TBC1D13: variants seen among roughly 807,000 people sequenced by gnomAD.
TBC1D13 encodes the protein TBC1 domain family member 13, also known as epididymis secretory sperm binding protein.
Under a neutral mutation model 53.6 loss-of-function variants are expected in TBC1D13, and 40 were observed. The ratio of observed to expected loss-of-function variants is 0.75; its 90% CI spans 0.58 to 0.97. The LOEUF is 0.97. Among genes scored for constraint, TBC1D13 ranks in the 50% least tolerant of loss-of-function variants. The pLI is 0.00. For missense variants in TBC1D13, 377 were observed against 499.4 expected (o/e 0.75, Z 2.34); for synonymous variants, 182 against 197.7 (o/e 0.92, Z 0.67).
intron 1 of TBC1D13, 47 bp from the exon 2 acceptor site, chr9:128,788,287 G>A (rs1829464924): frequency 6.4e-7 from 1 of 1,571,112 alleles, no homozygotes; most frequent in African/African-American, 1.4e-5. Context: ...GGGTCTCACT[G>A]AGCCGATATC....
At chr9:128,798,094 A>C (rs2132541929) in intron 7 of TBC1D13, among the ~76,000 whole-genome samples, 1 of 152,086 alleles carries the variant, frequency 6.6e-6, no homozygotes, top group East Asian at 1.9e-4. Flanking sequence ...CTCTACTAAA[A>C]ATACAAAAAT....
At chr9:128,804,254 C>T in intron 9 of TBC1D13, 135 bp downstream of exon 9, 1 of 1,049,172 alleles carries the variant, frequency 9.5e-7, no homozygotes. Flanking sequence ...GGGACGCTGA[C>T]CCATGTGCTG....
intron 1 of TBC1D13, 61 bp downstream of exon 1, chr9:128,787,437 C>G (rs1455338840): frequency 2.4e-6 from 3 of 1,244,894 alleles, no homozygotes; most frequent in Non-Finnish European, 2.0e-6. Context: ...CCCTTCTGCC[C>G]CTCAGAAGGG....
At chr9:128,792,785 C>G (rs942812975) in intron 6 of TBC1D13, among the ~76,000 whole-genome samples, 33 of 152,150 alleles carry the variant, frequency 2.2e-4, no homozygotes, top group African/African-American at 7.0e-4. Context: ...CCTGGCTGTT[C>G]TTATCTGAGC....
At chr9:128,804,810 C>T (rs1414936881) in intron 9 of TBC1D13, among the ~76,000 whole-genome samples, 1 of 142,918 alleles carries the variant, frequency 7.0e-6, no homozygotes, top group Admixed American at 7.1e-5. Flanking sequence ...CTCACTGCAA[C>T]CTCCGCCTCC....
intron 5 of TBC1D13, 38 bp from the exon 6 acceptor site, chr9:128,792,454 C>G: frequency 1.2e-6 from 2 of 1,603,388 alleles, no homozygotes; most frequent in Middle Eastern, 1.7e-4. Context: ...CGGGGCCTAG[C>G]TGGGCCTTGG....
chr9:128,797,017 C>T (rs750377474), intron 6 of TBC1D13, 38 bp from the exon 7 acceptor site: 6 of 1,609,446 alleles, frequency 3.7e-6, no homozygotes, highest in Non-Finnish European at 5.1e-6. Context: ...AAACTTCCAC[C>T]TTGAGTAACA....
rs770394116 is a variant in TBC1D13 at position 128,787,368 on chromosome 9, C to T, written c.15C>T (p.His5=). 1 of 1,260,024 alleles carries T rather than the reference C, an allele frequency of 7.9e-7. No individual in the cohort carries two copies. The allele number at this position is 1,260,024 out of a possible 1,614,324, so 78.1% of individuals were successfully genotyped here. The change falls in exon 1 of 12, where the codon CAC becomes CAT. Residue 5 remains histidine (H), a synonymous_variant. Coordinates refer to ENST00000372648, the MANE Select transcript of TBC1D13 (RefSeq NM_018201.5). Reference sequence around the variant, plus strand: ...AAGTCAACACCATGTCAAGTCTGCACAAGAGCCGGTAAGGGGCCATGGGGC... The same window carrying T: ...AAGTCAACACCATGTCAAGTCTGCATAAGAGCCGGTAAGGGGCCATGGGGC... The part of the protein sequence containing the change: MSSL[H]KSRIADFQDV...
rs1459252604 is a variant in TBC1D13 at position 128,808,232 on chromosome 9, G to A, written c.*353G>A. On this transcript the variant is annotated 3_prime_UTR_variant, in exon 12 of 12. Transcript: ENST00000372648. ...CAGTTCCTGCTTCTGGTCTTCTCCT[G>A]GGCTCCACTCAGGGGAGGTGCTTGG... 1.2e-5 allele frequency: 4 copies of A among 320,588 alleles called. No homozygotes were observed. Among genetic ancestry groups the A allele is most frequent in the Non-Finnish European group, 1.8e-5 (3 of 163,586 alleles). The allele number at this position is 320,588 out of a possible 1,614,324, so 19.9% of individuals were successfully genotyped here. A position where few individuals can be genotyped will look rare whatever the true frequency, so the allele number is the denominator to read the frequency against.
chr9:128,790,660 G>C, intron 2 of TBC1D13, 75 bp from the exon 3 acceptor site: 1 of 1,421,218 alleles, frequency 7.0e-7, no homozygotes, highest in Non-Finnish European at 9.4e-7. Context: ...CTCCCCGCCA[G>C]TTGGCTCCAC....
At chr9:128,806,607 C>T (rs1479743849) in intron 11 of TBC1D13, among the ~76,000 whole-genome samples, 1 of 152,122 alleles carries the variant, frequency 6.6e-6, no homozygotes, top group East Asian at 1.9e-4. Flanking sequence ...TTGCTGGTGG[C>T]CATGCTCAGG....
chr9:128,806,517 A>G (rs1829837442), intron 11 of TBC1D13, among the ~76,000 whole-genome samples: 1 of 152,200 alleles, frequency 6.6e-6, no homozygotes, highest in Admixed American at 6.5e-5. Context: ...GCCTTGAGCA[A>G]GTGACTTGGC....
intron 2 of TBC1D13, among the ~76,000 whole-genome samples, chr9:128,789,167 T>G (rs938768504): frequency 2.6e-5 from 4 of 151,562 alleles, no homozygotes; most frequent in African/African-American, 7.3e-5. Flanking sequence ...ACTAAAAATA[T>G]AAAAAAGTAG....
chr9:128,805,922 G>A lies in TBC1D13; in HGVS notation c.982G>A (p.Glu328Lys), dbSNP rs769715521. Residue 328 changes from glutamate (E) to lysine (K), a missense_variant, in exon 10 of 12, where the codon GAG (glutamate) becomes AAG (lysine). Coordinates refer to ENST00000372648, the MANE Select transcript of TBC1D13 (RefSeq NM_018201.5). ...CTGGCTGACACTGCTGCTGTCCCAG[G>A]AGTTCTTGCTGCCTGACGTCATCCG... Reference protein sequence around the residue: ...FRWLTLLLSQEFLLPDVIRIW... With the variant: ...FRWLTLLLSQKFLLPDVIRIW... 1 of 1,614,144 alleles carries A rather than the reference G, an allele frequency of 6.2e-7. No homozygotes were observed. Among genetic ancestry groups the A allele is most frequent in the Non-Finnish European group, 8.5e-7 (1 of 1,180,030 alleles).
At chr9:128,795,661 C>T (rs1463373573) in intron 6 of TBC1D13, among the ~76,000 whole-genome samples, 1 of 152,010 alleles carries the variant, frequency 6.6e-6, no homozygotes, top group South Asian at 2.1e-4. Flanking sequence ...GAGGTTTCAC[C>T]GTGTTAGCCA....
In TBC1D13 at chr9:128,807,820, C is replaced by T. The variant is rs183467784; in HGVS notation, c.1144C>T (p.Pro382Ser). Reference sequence around the variant, plus strand: ...GGCCTTTTCCTGTGCCCAGGACTACCCCATCACAGATGTCTGCCAGATCCT... The same window carrying T: ...GGCCTTTTCCTGTGCCCAGGACTACTCCATCACAGATGTCTGCCAGATCCT... ...TVNMRLLQDYPITDVCQILQK... is the reference protein window; with the variant it reads ...TVNMRLLQDYSITDVCQILQK... Residue 382 changes from proline (P) to serine (S), a missense_variant, in exon 12 of 12, where the codon CCC (proline) becomes TCC (serine). By Grantham distance (74) the Pro-to-Ser change is moderately conservative. Transcript: ENST00000372648. 3 of 1,614,144 alleles carry T rather than the reference C, an allele frequency of 1.9e-6. No individual in the cohort carries two copies. Among genetic ancestry groups the T allele is most frequent in the Admixed American group, 3.3e-5 (2 of 60,018 alleles).
rs754999110 is a variant in TBC1D13 at position 128,806,262 on chromosome 9, G to T, written c.1088G>T (p.Arg363Leu). 13 of 1,614,150 alleles carry T rather than the reference G, an allele frequency of 8.1e-6. No homozygotes were observed. The highest frequency in any genetic ancestry group is 1.1e-5 in the Non-Finnish European group (13 of 1,180,040). ...GCTGCTGCTTTTCATAGGCTGATCCGGGAGCAGTTGCTGGAAGGGGACTTC... is the reference window on the plus strand; with the variant it reads ...GCTGCTGCTTTTCATAGGCTGATCCTGGAGCAGTTGCTGGAAGGGGACTTC... ...LVCCAMLMLI[R>L]EQLLEGDFTV... The change falls in exon 11 of 12, where the codon CGG (arginine) becomes CTG (leucine). Residue 363 changes from arginine (R) to leucine (L), a missense_variant. By Grantham distance (102) the Arg-to-Leu change is moderately radical. Coordinates refer to ENST00000372648, the MANE Select transcript of TBC1D13 (RefSeq NM_018201.5).
chr9:128,794,626 C>T (rs1329425418), intron 6 of TBC1D13, among the ~76,000 whole-genome samples: 1 of 151,448 alleles, frequency 6.6e-6, no homozygotes, highest in Non-Finnish European at 1.5e-5. Flanking sequence ...CAGGCATGTG[C>T]CACAACGCCT....
rs7852492 is a variant in TBC1D13, at chr9:128,794,835, C to G, written c.384-2220C>G. Among the ~76,000 whole-genome samples, 1,150 of 151,650 alleles carry G rather than the reference C, an allele frequency of 7.6e-3. 20 individuals are homozygous for G. The highest frequency in any genetic ancestry group is 0.022 in the African/African-American group (904 of 41,464). ...CTTCTAGAAGCGTGTTTGCAATGTG[C>G]TAAGTATAAGAAGTCTGAAAAATGT... On this transcript the variant is annotated intron_variant, in intron 6 of 11. Transcript: ENST00000372648.
Sources: gnomAD v4.1 joint callset for allele counts (sites outside exome capture counted in the v4.1 genomes callset) on GRCh38, gnomAD v4.1.1 for gene constraint, MANE v1.5 for transcripts, NCBI Gene and HGNC (gene_info 2026-07-23, HGNC 2026-07-21) for gene names.